AGBL4: variants seen among roughly 807,000 people sequenced by gnomAD.
The protein encoded by AGBL4 is AGBL carboxypeptidase 4.
AGBL4 carries 58 observed loss-of-function variants against 66.4 expected under a neutral mutation model. That is an observed-to-expected ratio of 0.87 (90% CI 0.71 to 1.09). AGBL4 has a LOEUF of 1.09. Ranked by LOEUF, AGBL4 falls within the 50% of genes least tolerant of loss-of-function variation. The probability of loss-of-function intolerance (pLI) is 0.00; values close to 1 mark genes in which losing one functional copy is unlikely to be tolerated. For missense variants in AGBL4, 579 were observed against 631.0 expected (o/e 0.92, Z 0.88); for synonymous variants, 234 against 222.9 (o/e 1.05, Z -0.44).
rs1290100771 is a variant in AGBL4, at chr1:49,154,221, AG to A, written c.377+91548del. On this transcript the variant is annotated intron_variant, in intron 4 of 13. Transcript: ENST00000371839. ...ATCAGGAAAAGAGCTCTGGAGTCAG[AG>A]GCCAGTGATTCAAAACATTTAACCT... is the stretch of plus-strand genomic sequence containing the variant. Among the ~76,000 whole-genome samples, 4 of 152,084 alleles carry A rather than the reference AG, an allele frequency of 2.6e-5. No individual in the cohort carries two copies. The East Asian group carries it at 7.7e-4, about 29-fold the overall frequency.
intron 9 of AGBL4, among the ~76,000 whole-genome samples, chr1:48,594,263 G>T (rs1302265003): frequency 1.3e-5 from 2 of 152,176 alleles, no homozygotes; most frequent in Admixed American, 6.5e-5. Flanking sequence ...CGCAGATGTT[G>T]CAGTGAGCTG....
chr1:49,692,953 A>G (rs1221861354), intron 3 of AGBL4, among the ~76,000 whole-genome samples: 1 of 152,198 alleles, frequency 6.6e-6, no homozygotes, highest in Non-Finnish European at 1.5e-5. Flanking sequence ...TGAGAAAAGG[A>G]GTCAAAATAA....
At chr1:48,859,887 C>T (rs999584994) in intron 6 of AGBL4, among the ~76,000 whole-genome samples, 1 of 151,916 alleles carries the variant, frequency 6.6e-6, no homozygotes, top group African/African-American at 2.4e-5. Flanking sequence ...TAATTGGAGA[C>T]AACAACAGTA....
intron 4 of AGBL4, among the ~76,000 whole-genome samples, chr1:49,097,529 C>T (rs1425922895): frequency 6.6e-6 from 1 of 152,180 alleles, no homozygotes; most frequent in Non-Finnish European, 1.5e-5. Flanking sequence ...GGAGGTTACC[C>T]ATGAAGGCCA....
intron 1 of AGBL4, among the ~76,000 whole-genome samples, chr1:49,938,386 G>C (rs1246529985): frequency 1.3e-5 from 2 of 152,174 alleles, no homozygotes; most frequent in Non-Finnish European, 2.9e-5. Flanking sequence ...TCCAGGACCA[G>C]ATGGATTCAC....
At chr1:49,135,037 G>C (rs1227095369) in intron 4 of AGBL4, among the ~76,000 whole-genome samples, 2 of 151,182 alleles carry the variant, frequency 1.3e-5, no homozygotes, top group African/African-American at 4.9e-5. Context: ...CTTTTCCCAG[G>C]GCTGTTCATT....
chr1:49,072,070 GCTTTT>G (rs1000071946), intron 4 of AGBL4, among the ~76,000 whole-genome samples: 1 of 152,038 alleles, frequency 6.6e-6, no homozygotes, highest in Admixed American at 6.6e-5. Context: ...TGCAACACCT[GCTTTT>G]CTTTGCTTTC....
chr1:48,828,158 T>C (rs1323992233), intron 6 of AGBL4, among the ~76,000 whole-genome samples: 1 of 147,922 alleles, frequency 6.8e-6, no homozygotes, highest in South Asian at 2.1e-4. Context: ...ATTGCGCCAC[T>C]GTACTCCAGC....
At chr1:49,123,409 A>G (rs1005763018) in intron 4 of AGBL4, among the ~76,000 whole-genome samples, 1 of 152,222 alleles carries the variant, frequency 6.6e-6, no homozygotes, top group Non-Finnish European at 1.5e-5. Context: ...TGAAAAGCTC[A>G]GTTGAGAGAA....
At chr1:49,525,058 C>T (rs1353143674) in intron 3 of AGBL4, among the ~76,000 whole-genome samples, 1 of 151,844 alleles carries the variant, frequency 6.6e-6, no homozygotes, top group East Asian at 1.9e-4. Flanking sequence ...ATAATATGTA[C>T]CTTGCAAGGT....
chr1:49,429,080 T>G (rs149432787), intron 3 of AGBL4, among the ~76,000 whole-genome samples: 380 of 152,326 alleles, frequency 2.5e-3, no homozygotes, highest in Non-Finnish European at 4.1e-3. Flanking sequence ...TAGAATTCAT[T>G]CCAGTGAAAA....
At chr1:49,814,415 T>C (rs1397231611) in intron 2 of AGBL4, among the ~76,000 whole-genome samples, 1 of 152,126 alleles carries the variant, frequency 6.6e-6, no homozygotes, top group Non-Finnish European at 1.5e-5. Flanking sequence ...GTATCCACTA[T>C]CACACTATGA....
At chr1:49,076,997 G>A (rs1276234254) in intron 4 of AGBL4, among the ~76,000 whole-genome samples, 1 of 152,124 alleles carries the variant, frequency 6.6e-6, no homozygotes, top group Non-Finnish European at 1.5e-5. Flanking sequence ...GCTTATAAAT[G>A]TGCTTTATTT....
At chr1:48,906,455 G>A (rs1204845243) in intron 5 of AGBL4, among the ~76,000 whole-genome samples, 1 of 152,044 alleles carries the variant, frequency 6.6e-6, no homozygotes, top group African/African-American at 2.4e-5. Context: ...TGTGAGGGAG[G>A]GGCAGTAAGT....
intron 3 of AGBL4, among the ~76,000 whole-genome samples, chr1:49,451,953 T>C (rs1338235689): frequency 1.3e-5 from 2 of 151,930 alleles, no homozygotes; most frequent in Non-Finnish European, 2.9e-5. Flanking sequence ...TTGAGATCCA[T>C]ACATATACAA....
At chr1:49,909,190 T>C (rs1005043300) in intron 1 of AGBL4, among the ~76,000 whole-genome samples, 2 of 152,170 alleles carry the variant, frequency 1.3e-5, no homozygotes, top group East Asian at 3.8e-4. Flanking sequence ...AAAGAATAAA[T>C]AATATTTGTA....
chr1:49,842,103 C>A, intron 2 of AGBL4: 1 of 349,638 alleles, frequency 2.9e-6, no homozygotes, highest in Non-Finnish European at 5.4e-6. Context: ...CTCCTGAAGT[C>A]CGCGCCAAGC....
At chr1:49,817,206 C>A (rs1557476206) in intron 2 of AGBL4, among the ~76,000 whole-genome samples, 1 of 152,104 alleles carries the variant, frequency 6.6e-6, no homozygotes, top group Non-Finnish European at 1.5e-5. Flanking sequence ...AACCCTATGG[C>A]AGGCAAGTGA....
At chr1:49,825,854 T>TACACAC (rs141160951) in intron 2 of AGBL4, among the ~76,000 whole-genome samples, 2 of 148,212 alleles carry the variant, frequency 1.3e-5, no homozygotes, top group African/African-American at 4.9e-5. Flanking sequence ...CACTCACACA[T>TACACAC]ACACACACAC....
Sources: allele counts gnomAD v4.1 joint callset (sites outside exome capture counted in the v4.1 genomes callset), GRCh38; gene constraint gnomAD v4.1.1; transcripts MANE v1.5; gene names NCBI Gene and HGNC (gene_info 2026-07-23, HGNC 2026-07-21).